Variants in REV3L observed in about 807,000 individuals in gnomAD.
REV3L encodes the protein DNA polymerase zeta catalytic subunit.
A neutral mutation model predicts 299.4 loss-of-function variants in REV3L; 69 were observed. That is an observed-to-expected ratio of 0.23 (90% CI 0.19 to 0.28). The LOEUF is 0.28. REV3L is among the 10% of genes least tolerant of loss of function. The probability of loss-of-function intolerance (pLI) is 1.00; values close to 1 mark genes in which losing one functional copy is unlikely to be tolerated. For missense variants in REV3L, 3,128 were observed against 3,693.8 expected (o/e 0.85, Z 3.97); for synonymous variants, 1,238 against 1,271.4 (o/e 0.97, Z 0.56).
At chr6:111,412,779 A>AAC (rs1784382004) in intron 2 of REV3L, among the ~76,000 whole-genome samples, 1 of 151,582 alleles carries the variant, frequency 6.6e-6, no homozygotes, top group South Asian at 2.1e-4. Context: ...AAAAAAAAAA[A>AAC]AACAACTATT....
chr6:111,324,244 C>T (rs572414495), intron 25 of REV3L, among the ~76,000 whole-genome samples: 8 of 152,156 alleles, frequency 5.3e-5, no homozygotes, highest in African/African-American at 9.7e-5. Flanking sequence ...ATGATCCACC[C>T]GCCTCAGCCT....
chr6:111,311,364 T>C lies in REV3L; in HGVS notation c.8605-105A>G, dbSNP rs546111273. The C allele has an allele frequency of 1.0e-4, 72 of 711,888 alleles. No homozygotes were observed. The Admixed American group carries it at 1.9e-3, about 19-fold the overall frequency. The allele number at this position is 711,888 out of a possible 1,614,324, so 44.1% of individuals were successfully genotyped here. ...GTAACTACTGGGTAACCTGCTAACC[T>C]ACCTAAATAATCTGTTACTTACAAT... On this transcript the variant is annotated intron_variant, in intron 28 of 31. Coordinates refer to ENST00000368802, the MANE Select transcript of REV3L (RefSeq NM_001372078.1).
chr6:111,377,706 T>G lies in REV3L; in HGVS notation c.1592A>C (p.Asn531Thr), dbSNP rs1273869623. 1 of 1,611,352 alleles carries G rather than the reference T, an allele frequency of 6.2e-7. No homozygotes were observed. The change falls in exon 12 of 32, where the codon AAT (asparagine) becomes ACT (threonine). Residue 531 changes from asparagine to threonine, a missense_variant. By Grantham distance (65) the Asn-to-Thr change is moderately conservative. Transcript: ENST00000368802. ...IPQLDGTADENSDNPLNNENS... is the reference protein window; with the variant it reads ...IPQLDGTADETSDNPLNNENS... ...CAGTAGACTTGTTTACTTACCACTATTTTCATCTGCAGTTCCATCTAACTG... is the reference window on the plus strand; with the variant it reads ...CAGTAGACTTGTTTACTTACCACTAGTTTCATCTGCAGTTCCATCTAACTG...
chr6:111,422,631 C>CATATATATAT (rs1554228584), intron 1 of REV3L, among the ~76,000 whole-genome samples: 1 of 12,750 alleles, frequency 7.8e-5, no homozygotes, highest in East Asian at 1.0e-3. Context: ...TATATATATA[C>CATATATATAT]ACATATATAT....
At chr6:111,424,041 A>C (rs1026550403) in intron 1 of REV3L, among the ~76,000 whole-genome samples, 2 of 152,212 alleles carry the variant, frequency 1.3e-5, no homozygotes, top group Admixed American at 1.3e-4. Context: ...CAATTGGGTA[A>C]GATTTCTCAG....
At chr6:111,365,576 CTCAG>C (rs1779103034) in intron 14 of REV3L, among the ~76,000 whole-genome samples, 1 of 151,852 alleles carries the variant, frequency 6.6e-6, no homozygotes, top group Admixed American at 6.6e-5. Flanking sequence ...AATTTTATAC[CTCAG>C]TCATTAACCT....
rs561708203 is a variant in REV3L at position 111,430,786 on chromosome 6, C to T, written c.140-14314G>A. 40 of 1,607,666 alleles carry T rather than the reference C, an allele frequency of 2.5e-5. No individual in the cohort carries two copies. In the South Asian group the frequency reaches 3.2e-4, roughly 13 times the overall value. On this transcript the variant is annotated intron_variant, in intron 1 of 31. Transcript: ENST00000368802. The stretch of plus-strand genomic sequence containing the variant: ...GAGCGCAGGAGCAGCTTGACCGCAT[C>T]GTGAAGGAATCTGGAGGAAAGCTGA...
chr6:111,323,230 C>T (rs1217328684), intron 25 of REV3L, among the ~76,000 whole-genome samples: 1 of 152,120 alleles, frequency 6.6e-6, no homozygotes, highest in Admixed American at 6.6e-5. Context: ...TTTCGTGATC[C>T]ACCCACCTCG....
chr6:111,387,740 T>C (rs1479140983), intron 9 of REV3L, 25 bp downstream of exon 9: 2 of 1,604,800 alleles, frequency 1.2e-6, no homozygotes, highest in Admixed American at 3.3e-5. Context: ...TAGTAGTTTC[T>C]GTATACATGA....
At chr6:111,419,288 T>G (rs1785071763) in intron 1 of REV3L, among the ~76,000 whole-genome samples, 1 of 151,874 alleles carries the variant, frequency 6.6e-6, no homozygotes, top group African/African-American at 2.4e-5. Flanking sequence ...AAGAATGATA[T>G]AAGAGAAAAT....
At chr6:111,368,811 T>C (rs1384227205) in intron 13 of REV3L, among the ~76,000 whole-genome samples, 1 of 152,192 alleles carries the variant, frequency 6.6e-6, no homozygotes, top group Non-Finnish European at 1.5e-5. Flanking sequence ...GTTAACTTTA[T>C]TATGGATATA....
At chr6:111,323,666 A>G (rs1774439614) in intron 25 of REV3L, among the ~76,000 whole-genome samples, 1 of 152,230 alleles carries the variant, frequency 6.6e-6, no homozygotes, top group South Asian at 2.1e-4. Flanking sequence ...AGTTAAGTAA[A>G]TTAAGGAGAC....
intron 1 of REV3L, among the ~76,000 whole-genome samples, chr6:111,429,443 T>C (rs986369164): frequency 1.3e-5 from 2 of 152,172 alleles, no homozygotes; most frequent in Non-Finnish European, 2.9e-5. Flanking sequence ...AAAAGAAAGC[T>C]TGTAAAGGTA....
chr6:111,372,656 G>C lies in REV3L; in HGVS notation c.5699C>G (p.Ser1900Cys). The C allele has an allele frequency of 6.4e-7, 1 of 1,557,988 alleles. No homozygotes were observed. Among genetic ancestry groups the C allele is most frequent in the Non-Finnish European group, 8.7e-7 (1 of 1,154,340 alleles). Residue 1900 changes from serine to cysteine, a missense_variant, in exon 13 of 32, where the codon TCT (serine) becomes TGT (cysteine). Around this residue, in one of 9 missense-constraint regions of REV3L, gnomAD observed 2,409 missense variants for 2,611.8 expected, o/e 0.92. Coordinates refer to ENST00000368802, the MANE Select transcript of REV3L (RefSeq NM_001372078.1). ...IMATLLDHDL[S>C]ETIYQEPFCS... ...AAATGGTTCCTGGTAAATAGTCTCAGACAGGTCATGATCCAACAAAGTTGC... is the reference window on the plus strand; with the variant it reads ...AAATGGTTCCTGGTAAATAGTCTCACACAGGTCATGATCCAACAAAGTTGC...
At chr6:111,459,148 T>C (rs1320570598) in intron 1 of REV3L, among the ~76,000 whole-genome samples, 1 of 152,088 alleles carries the variant, frequency 6.6e-6, no homozygotes, top group Admixed American at 6.6e-5. Context: ...AACCATCTGA[T>C]GTTCAACAAA....
intron 25 of REV3L, among the ~76,000 whole-genome samples, chr6:111,323,954 A>T (rs1014973808): frequency 6.6e-6 from 1 of 152,170 alleles, no homozygotes; most frequent in Non-Finnish European, 1.5e-5. Context: ...ATAAATAATA[A>T]AACTAGTAGT....
intron 2 of REV3L, chr6:111,412,264 T>C: frequency 1.0e-6 from 1 of 985,088 alleles, no homozygotes; most frequent in Non-Finnish European, 1.2e-6. Flanking sequence ...AACATAATCA[T>C]GTTATGGCTG....
chr6:111,359,632 C>T (rs1018069283), intron 16 of REV3L, among the ~76,000 whole-genome samples: 12 of 150,708 alleles, frequency 8.0e-5, no homozygotes, highest in African/African-American at 2.2e-4. Flanking sequence ...TTAATATTTG[C>T]TTTTCATGCT....
chr6:111,459,250 C>CTCT (rs1246929899), intron 1 of REV3L, among the ~76,000 whole-genome samples: 1 of 152,028 alleles, frequency 6.6e-6, no homozygotes, highest in Non-Finnish European at 1.5e-5. Flanking sequence ...TGAAACTGGA[C>CTCT]TCTTACCTAT....
Sources: allele counts gnomAD v4.1 joint callset (sites outside exome capture counted in the v4.1 genomes callset), GRCh38; gene constraint gnomAD v4.1.1; regional missense constraint gnomAD v4.1.1; transcripts MANE v1.5; gene names NCBI Gene and HGNC (gene_info 2026-07-23, HGNC 2026-07-21).